MGAT4C: variants seen among roughly 807,000 people sequenced by gnomAD.
The protein encoded by MGAT4C is alpha-1,3-mannosyl-glycoprotein 4-beta-N-acetylglucosaminyltransferase C.
A neutral mutation model predicts 40.1 loss-of-function variants in MGAT4C; 19 were observed. That is an observed-to-expected ratio of 0.47 (90% confidence interval 0.33 to 0.70). The LOEUF (loss-of-function observed/expected upper bound fraction) is 0.70, where lower values mean the gene tolerates loss of function less well. Among genes scored for constraint, MGAT4C ranks in the 30% least tolerant of loss-of-function variants. The pLI is 0.02. For synonymous variants in MGAT4C, 181 were observed against 187.1 expected (o/e 0.97, Z 0.27); for missense variants, 491 against 563.2 (o/e 0.87, Z 1.30).
At chr12:86,095,204 C>T (rs12313444) in intron 1 of MGAT4C, among the ~76,000 whole-genome samples, 29,448 of 151,994 alleles carry the variant, frequency 0.19, 3,769 homozygotes, top group African/African-American at 0.36. Context: ...TGATGACTAG[C>T]GCATGCTCTT....
chr12:86,442,695 T>C (rs1555189591), intron 2 of MGAT4C, among the ~76,000 whole-genome samples: 1 of 152,024 alleles, frequency 6.6e-6, no homozygotes, highest in Non-Finnish European at 1.5e-5. Flanking sequence ...TTCTGTTCCA[T>C]TGATCTATAT....
intron 1 of MGAT4C, among the ~76,000 whole-genome samples, chr12:86,835,960 T>G (rs778237806): frequency 6.6e-6 from 1 of 151,908 alleles, no homozygotes; most frequent in Non-Finnish European, 1.5e-5. Context: ...TGCAAAAATA[T>G]GTACCATTTA....
intron 3 of MGAT4C, among the ~76,000 whole-genome samples, chr12:86,367,494 G>A (rs1360881647): frequency 6.6e-6 from 1 of 152,132 alleles, no homozygotes; most frequent in East Asian, 1.9e-4. Flanking sequence ...CTTCAACCCT[G>A]AATCCTTAAA....
chr12:86,455,160 GT>G (rs919721609), intron 2 of MGAT4C, among the ~76,000 whole-genome samples: 4 of 152,212 alleles, frequency 2.6e-5, no homozygotes, highest in Admixed American at 2.6e-4. Flanking sequence ...GTTAGTAAAT[GT>G]GTTTGAATGA....
chr12:86,318,717 T>C (rs1954304325), intron 4 of MGAT4C, among the ~76,000 whole-genome samples: 1 of 152,066 alleles, frequency 6.6e-6, no homozygotes, highest in Admixed American at 6.6e-5. Flanking sequence ...TCATATTATA[T>C]GTAAAGTAAA....
At chr12:86,415,621 T>C (rs572441537) in intron 3 of MGAT4C, among the ~76,000 whole-genome samples, 44 of 152,176 alleles carry the variant, frequency 2.9e-4, no homozygotes, top group Admixed American at 7.9e-4. Flanking sequence ...CAGAGAATGA[T>C]ATCCCAGTAT....
intron 1 of MGAT4C, among the ~76,000 whole-genome samples, chr12:86,088,694 A>G (rs1226531396): frequency 1.0e-5 from 1 of 98,458 alleles, no homozygotes; most frequent in African/African-American, 3.1e-5. Context: ...ATCTCATATT[A>G]AAAGGGCCAA....
chr12:86,512,405 G>T (rs957925976), intron 2 of MGAT4C, among the ~76,000 whole-genome samples: 7 of 151,992 alleles, frequency 4.6e-5, no homozygotes, highest in Non-Finnish European at 1.0e-4. Context: ...TCCTACTTCT[G>T]TATATTTATT....
chr12:86,043,202 T>C (rs1035525901), intron 2 of MGAT4C, among the ~76,000 whole-genome samples: 2 of 152,156 alleles, frequency 1.3e-5, no homozygotes, highest in Non-Finnish European at 2.9e-5. Flanking sequence ...ATATGATAGA[T>C]GTATATATAA....
intron 2 of MGAT4C, chr12:86,013,809 A>T: frequency 6.8e-6 from 6 of 878,022 alleles, no homozygotes; most frequent in Non-Finnish European, 8.2e-6. Flanking sequence ...TTTCTCTCCT[A>T]CTCCCATAAA....
At chr12:86,687,526 G>T (rs1950094481) in intron 2 of MGAT4C, among the ~76,000 whole-genome samples, 2 of 152,106 alleles carry the variant, frequency 1.3e-5, no homozygotes, top group Admixed American at 1.3e-4. Flanking sequence ...CAGAAATTCT[G>T]GTATGTTGTG....
chr12:86,010,783 A>G (rs2136818001), intron 2 of MGAT4C, among the ~76,000 whole-genome samples: 1 of 152,302 alleles, frequency 6.6e-6, no homozygotes, highest in South Asian at 2.1e-4. Flanking sequence ...AGGTGACTGG[A>G]TCATGAGGCT....
intron 1 of MGAT4C, among the ~76,000 whole-genome samples, chr12:86,145,162 G>A (rs537435823): frequency 7.8e-4 from 119 of 152,116 alleles, no homozygotes; most frequent in African/African-American, 2.8e-3. Context: ...AACTTATATC[G>A]CTATCCACCT....
At chr12:86,380,492 T>C (rs943450993) in intron 3 of MGAT4C, among the ~76,000 whole-genome samples, 1 of 152,166 alleles carries the variant, frequency 6.6e-6, no homozygotes, top group South Asian at 2.1e-4. Context: ...TTAATGATTA[T>C]GATGACTTCG....
At chr12:86,028,432 CT>C (rs1565880534) in intron 2 of MGAT4C, among the ~76,000 whole-genome samples, 2 of 151,800 alleles carry the variant, frequency 1.3e-5, no homozygotes, top group Non-Finnish European at 2.9e-5. Context: ...TGGTGTCTAA[CT>C]TGTAGTTTGT....
intron 3 of MGAT4C, among the ~76,000 whole-genome samples, chr12:86,430,578 T>C (rs1957016289): frequency 6.6e-6 from 1 of 152,128 alleles, no homozygotes; most frequent in Non-Finnish European, 1.5e-5. Context: ...TTTGTTTGGC[T>C]ATAAAGTGGA....
chr12:86,508,721 T>C (rs879467376), intron 2 of MGAT4C, among the ~76,000 whole-genome samples: 4 of 148,320 alleles, frequency 2.7e-5, no homozygotes, highest in Non-Finnish European at 6.0e-5. Flanking sequence ...CCAGCACCTG[T>C]TGTTTCCTGA....
intron 2 of MGAT4C, among the ~76,000 whole-genome samples, chr12:86,442,771 CA>C (rs34962466): frequency 7.2e-4 from 99 of 137,778 alleles, no homozygotes; most frequent in Admixed American, 7.2e-4. Context: ...AACTCTGTCT[CA>C]AAAAAAAAAA....
intron 3 of MGAT4C, among the ~76,000 whole-genome samples, chr12:86,384,096 G>A (rs568162573): frequency 1.3e-5 from 2 of 152,278 alleles, no homozygotes; most frequent in East Asian, 3.9e-4. Flanking sequence ...GCTGCCATGT[G>A]AGACGTGTCT....
Sources: allele counts gnomAD v4.1 joint callset (sites outside exome capture counted in the v4.1 genomes callset), GRCh38; gene constraint gnomAD v4.1.1; transcripts MANE v1.5; gene names NCBI Gene and HGNC (gene_info 2026-07-23, HGNC 2026-07-21).